The following DHX40 variants were observed in gnomAD, a reference collection of about 807,000 sequenced individuals.
DHX40 encodes the protein probable ATP-dependent RNA helicase DHX40.
A neutral mutation model predicts 89.6 loss-of-function variants in DHX40; 28 were observed. That is an observed-to-expected ratio of 0.31 (90% CI 0.23 to 0.43). The LOEUF is 0.43. DHX40 is among the 20% of genes least tolerant of loss of function. The pLI, the probability that DHX40 is intolerant of heterozygous loss-of-function variation, is 1.00. For missense variants in DHX40, 457 were observed against 844.0 expected (o/e 0.54, Z 5.68); for synonymous variants, 226 against 283.6 (o/e 0.80, Z 2.04).
chr17:59,567,864 G>A (rs911224164), intron 2 of DHX40, among the ~76,000 whole-genome samples: 18 of 150,506 alleles, frequency 1.2e-4, no homozygotes, highest in Non-Finnish European at 2.1e-4. Flanking sequence ...TCTGGGAGGC[G>A]GAGCTTGCAG....
chr17:59,567,462 A>G (rs1033948538), intron 2 of DHX40, among the ~76,000 whole-genome samples: 1 of 152,216 alleles, frequency 6.6e-6, no homozygotes, highest in African/African-American at 2.4e-5. Context: ...TAACTTTGAC[A>G]AGAAAAGTAA....
At chr17:59,566,054 A>G (rs1034950408) in intron 1 of DHX40, among the ~76,000 whole-genome samples, 4 of 152,172 alleles carry the variant, frequency 2.6e-5, no homozygotes, top group African/African-American at 7.2e-5. Context: ...AAACAGGCTC[A>G]TAGACCCTTT....
chr17:59,607,445 T>A lies in DHX40; in HGVS notation c.*273T>A. The A allele has an allele frequency of 6.3e-6, 4 of 630,418 alleles. No individual in the cohort carries two copies. The highest frequency in any genetic ancestry group is 1.1e-5 in the Non-Finnish European group (4 of 367,066). The allele number at this position is 630,418 out of a possible 1,614,324, so 39.1% of individuals were successfully genotyped here. On this transcript the variant is annotated 3_prime_UTR_variant, in exon 18 of 18. Transcript: ENST00000251241. ...TAATAATATTTTCCTCAGTACAATTTTGCTGGCCTTAACTGGTATCAAACG... is the reference window on the plus strand; with the variant it reads ...TAATAATATTTTCCTCAGTACAATTATGCTGGCCTTAACTGGTATCAAACG...
At position 59,566,753 on chromosome 17, in the gene DHX40, G is replaced by A. The variant is rs771127203; in HGVS notation, c.239G>A (p.Ser80Asn). 1 of 1,593,074 alleles carries A rather than the reference G, an allele frequency of 6.3e-7. No individual in the cohort carries two copies. Among genetic ancestry groups the A allele is most frequent in the South Asian group, 1.1e-5 (1 of 86,966 alleles). The change falls in exon 2 of 18, where the codon AGT (serine) becomes AAT (asparagine). Residue 80 changes from serine to asparagine, a missense_variant. This residue lies in a region of DHX40 where 61 missense variants were observed against 100.4 expected (regional missense o/e 0.61). Coordinates refer to ENST00000251241, the MANE Select transcript of DHX40 (RefSeq NM_024612.5). ...SFLIVTGNTG[S>N]GKTTQLPKYL... is the part of the protein sequence containing the mutation. ...CTTATTGTTACTGGAAATACAGGAA[G>A]TGGTAAAACAACTCAACTCCCAAAA...
chr17:59,596,301 T>C (rs1393990017), intron 12 of DHX40, among the ~76,000 whole-genome samples: 2 of 152,230 alleles, frequency 1.3e-5, no homozygotes, highest in Non-Finnish European at 2.9e-5. Context: ...GCGTGTTGGC[T>C]CAAGCCTGTA....
chr17:59,597,899 C>T (rs566831154), intron 12 of DHX40, among the ~76,000 whole-genome samples: 40 of 148,930 alleles, frequency 2.7e-4, no homozygotes, highest in African/African-American at 9.7e-4. Flanking sequence ...CGCGCCACTA[C>T]ACTCCAGTCT....
At chr17:59,568,861 G>T (rs992999518) in intron 2 of DHX40, among the ~76,000 whole-genome samples, 37 of 149,508 alleles carry the variant, frequency 2.5e-4, no homozygotes, top group African/African-American at 8.5e-4. Flanking sequence ...TATAAATATA[G>T]ATATATATAT....
chr17:59,568,872 T>A (rs916907376), intron 2 of DHX40, among the ~76,000 whole-genome samples: 12 of 150,276 alleles, frequency 8.0e-5, no homozygotes, highest in African/African-American at 2.0e-4. Flanking sequence ...ATATATATAT[T>A]TATTTATTTT....
intron 7 of DHX40, among the ~76,000 whole-genome samples, chr17:59,576,034 C>T (rs1374086446): frequency 9.8e-5 from 14 of 142,480 alleles, no homozygotes; most frequent in Admixed American, 2.1e-4. Flanking sequence ...GGATTGCAGG[C>T]GCTCGCCACC....
At chr17:59,588,960 T>C (rs2049040276) in intron 12 of DHX40, among the ~76,000 whole-genome samples, 1 of 152,172 alleles carries the variant, frequency 6.6e-6, no homozygotes, top group Non-Finnish European at 1.5e-5. Flanking sequence ...TTGAAATGCC[T>C]TCGCTTCTTT....
At chr17:59,598,631 T>C in intron 12 of DHX40, 106 bp from the exon 13 acceptor site, 1 of 550,894 alleles carries the variant, frequency 1.8e-6, no homozygotes, top group African/African-American at 1.9e-5. Context: ...AGTTCTACCT[T>C]ACTTCACCCC....
intron 12 of DHX40, among the ~76,000 whole-genome samples, chr17:59,595,930 C>T (rs535323231): frequency 5.9e-5 from 9 of 151,372 alleles, no homozygotes; most frequent in East Asian, 3.9e-4. Flanking sequence ...TTCTCTTCCT[C>T]GGGGAATTGG....
In DHX40 at chr17:59,605,478, C is replaced by T; in HGVS notation, c.2004C>T (p.Ile668=). Residue 668 remains isoleucine (I), a synonymous_variant, in exon 17 of 18, where the codon ATC becomes ATT. Coordinates refer to ENST00000251241, the MANE Select transcript of DHX40 (RefSeq NM_024612.5). ...LHEQETKLEW[I]IFHEVLVTTK... is the part of the protein sequence containing the mutation. Reference sequence around the variant, plus strand: ...AACAGGAAACCAAACTTGAATGGATCATTTTTCATGAGGTATTGGTTACCA... The same window carrying T: ...AACAGGAAACCAAACTTGAATGGATTATTTTTCATGAGGTATTGGTTACCA... 1.2e-6 allele frequency: 2 copies of T among 1,613,340 alleles called. No individual in the cohort carries two copies. Among genetic ancestry groups the T allele is most frequent in the Non-Finnish European group, 1.7e-6 (2 of 1,179,348 alleles).
chr17:59,607,999 C>G lies in DHX40; in HGVS notation c.*827C>G, dbSNP rs537024775. On this transcript the variant is annotated 3_prime_UTR_variant, in exon 18 of 18. Transcript: ENST00000251241. Reference sequence around the variant, plus strand: ...TCAAACAGCGCCTCCACCTGGCCTACTCTGTTATTTCCACCTGTTTGGGTA... The same window carrying G: ...TCAAACAGCGCCTCCACCTGGCCTAGTCTGTTATTTCCACCTGTTTGGGTA... 1 of 154,798 alleles carries G rather than the reference C, an allele frequency of 6.5e-6. No individual in the cohort carries two copies. Among genetic ancestry groups the G allele is most frequent in the South Asian group, 2.0e-4 (1 of 4,916 alleles). The allele number at this position is 154,798 out of a possible 1,614,324, so 9.6% of individuals were successfully genotyped here.
At chr17:59,585,892 T>A (rs959584649) in intron 10 of DHX40, among the ~76,000 whole-genome samples, 2 of 150,952 alleles carry the variant, frequency 1.3e-5, no homozygotes, top group African/African-American at 4.9e-5. Flanking sequence ...GGGGCAGGAT[T>A]AGGATAAGTA....
Position 59,602,555 on chromosome 17 carries a change from C to T in DHX40, c.1840C>T (p.Pro614Ser). ...SDFPKETFEG[P>S]KHEVLRRCLC... ...TTTCCCAAAAGAGACCTTTGAAGGC[C>T]CTAAACATGAAGTACTACGAAGATG... is the stretch of plus-strand genomic sequence containing the variant. Residue 614 changes from proline (P) to serine (S), a missense_variant, in exon 15 of 18, where the codon CCT (proline) becomes TCT (serine). Physicochemically the swap from Pro to Ser is moderately conservative, Grantham distance 74. This residue lies in a region of DHX40 where 32 missense variants were observed against 60.0 expected (regional missense o/e 0.53). Coordinates refer to ENST00000251241, the MANE Select transcript of DHX40 (RefSeq NM_024612.5). The T allele has an allele frequency of 1.2e-6, 2 of 1,613,466 alleles. No individual in the cohort carries two copies. Among genetic ancestry groups the T allele is most frequent in the Non-Finnish European group, 1.7e-6 (2 of 1,179,716 alleles).
At chr17:59,570,910 A>AAT (rs969640710) in intron 3 of DHX40, among the ~76,000 whole-genome samples, 2 of 152,164 alleles carry the variant, frequency 1.3e-5, no homozygotes, top group Non-Finnish European at 2.9e-5. Flanking sequence ...TTCAAAGTTC[A>AAT]ATATATATTT....
In DHX40 at chr17:59,573,727, A is replaced by T; in HGVS notation, c.547-13A>T. On this transcript the variant is annotated splice_polypyrimidine_tract_variant and intron_variant, in intron 4 of 17. Coordinates refer to ENST00000251241, the MANE Select transcript of DHX40 (RefSeq NM_024612.5). ...TGTACTTGTGACTTACTAGAAATTT[A>T]CTTTTCTTTCAGGATATCTTATTTG... 2 of 1,613,512 alleles carry T rather than the reference A, an allele frequency of 1.2e-6. No homozygotes were observed. The highest frequency in any genetic ancestry group is 1.7e-6 in the Non-Finnish European group (2 of 1,179,682).
At position 59,605,727 on chromosome 17, in the gene DHX40, T is replaced by G. The variant is rs2030803616; in HGVS notation, c.2200+53T>G. On this transcript the variant is annotated intron_variant, in intron 17 of 17. Coordinates refer to ENST00000251241, the MANE Select transcript of DHX40 (RefSeq NM_024612.5). Reference sequence around the variant, plus strand: ...ACCACTATGCCATACTGCTTCCCAGTAGTACTTCACTATTTTTGTTTATAA... The same window carrying G: ...ACCACTATGCCATACTGCTTCCCAGGAGTACTTCACTATTTTTGTTTATAA... 3 of 1,484,094 alleles carry G rather than the reference T, an allele frequency of 2.0e-6. No individual in the cohort carries two copies. The African/African-American group carries it at 4.2e-5, about 21-fold the overall frequency. The allele number at this position is 1,484,094 out of a possible 1,614,324, so 91.9% of individuals were successfully genotyped here.
Sources: allele counts gnomAD v4.1 joint callset (sites outside exome capture counted in the v4.1 genomes callset), GRCh38; gene constraint gnomAD v4.1.1; regional missense constraint gnomAD v4.1.1; transcripts MANE v1.5; gene names NCBI Gene and HGNC (gene_info 2026-07-23, HGNC 2026-07-21).